The following TLK1 variants were observed in gnomAD, a reference collection of about 807,000 sequenced individuals.
The protein encoded by TLK1 is serine/threonine-protein kinase tousled-like 1.
In TLK1, 24 loss-of-function variants were observed where a neutral mutation model predicts 105.3. The ratio of observed to expected loss-of-function variants is 0.23; its 90% CI spans 0.17 to 0.32. TLK1 has a LOEUF of 0.32. Ranked by LOEUF, TLK1 falls within the 10% of genes least tolerant of loss-of-function variation. TLK1 has a pLI of 1.00. For missense variants in TLK1, 558 were observed against 910.5 expected, an observed-to-expected ratio of 0.61 and a Z score of 4.98; for synonymous variants, 321 against 310.4, an observed-to-expected ratio of 1.03 and a Z score of -0.36.
chr2:171,046,212 T>C lies in TLK1; in HGVS notation c.1131A>G (p.Ala377=). 6.2e-7 allele frequency: 1 copy of C among 1,608,974 alleles called. No individual in the cohort carries two copies. The highest frequency in any genetic ancestry group is 2.2e-5 in the East Asian group (1 of 44,806). ...KQRKNKAVNG[A]ENDPFVRPNL... The stretch of plus-strand genomic sequence containing the variant: ...TTGGTCTAACAAAGGGATCATTCTC[T>C]GCTCCATTGACTGCTTTGTTTTTCC... Residue 377 remains alanine (A), a synonymous_variant, in exon 11 of 21, where the codon GCA becomes GCG. Coordinates refer to ENST00000431350, the MANE Select transcript of TLK1 (RefSeq NM_012290.5).
upstream of TLK1, among the ~76,000 whole-genome samples, chr2:171,163,183 T>C (rs550921836): frequency 1.1e-4 from 17 of 152,366 alleles, no homozygotes; most frequent in Non-Finnish European, 2.9e-5. Context: ...TTAAGTAGTA[T>C]TACACTGAAT....
intron 2 of TLK1, among the ~76,000 whole-genome samples, chr2:171,108,006 G>A (rs796860809): frequency 4.6e-5 from 7 of 151,272 alleles, no homozygotes; most frequent in Admixed American, 1.3e-4. Context: ...GCAGTGAGCC[G>A]AGATTGCGTC....
At chr2:171,098,814 A>G (rs1308803967) in intron 2 of TLK1, among the ~76,000 whole-genome samples, 1 of 152,204 alleles carries the variant, frequency 6.6e-6, no homozygotes, top group East Asian at 1.9e-4. Flanking sequence ...GGTTAGTTCA[A>G]CATACACCAG....
At chr2:171,107,004 T>C (rs1009273140) in intron 2 of TLK1, among the ~76,000 whole-genome samples, 8 of 152,238 alleles carry the variant, frequency 5.3e-5, no homozygotes, top group Non-Finnish European at 1.2e-4. Context: ...TTACATCTGA[T>C]TGCTATGTCT....
At chr2:171,188,919 C>T (rs919492682) in intron 1 of TLK1, among the ~76,000 whole-genome samples, 5 of 151,016 alleles carry the variant, frequency 3.3e-5, no homozygotes, top group African/African-American at 4.9e-5. Flanking sequence ...ATAGGAGAAT[C>T]GTTTGATACA....
rs566583773 is a variant in TLK1, at chr2:171,020,257, A to G, written c.1237-5309T>C. 2.0e-5 allele frequency among the ~76,000 whole-genome samples: 3 copies of G among 152,092 alleles called. No homozygotes were observed. The East Asian group carries it at 5.8e-4, about 30-fold the overall frequency. ...CAAAAGGCACTATTAAAATCTAATT[A>G]AGGGCCAGGTGCGGTGGCTCATGCC... On this transcript the variant is annotated intron_variant, in intron 12 of 20. Coordinates refer to ENST00000431350, the MANE Select transcript of TLK1 (RefSeq NM_012290.5).
rs555985716 is a variant in TLK1 at position 171,086,869 on chromosome 2, A to C, written c.259-4017T>G. On this transcript the variant is annotated intron_variant, in intron 2 of 20. Transcript: ENST00000431350. ...GATACGCTGGAAAATAAAGATCCAC[A>C]AAGGGAGAGTCCCAAATTCTGCATA... Among the ~76,000 whole-genome samples the C allele has an allele frequency of 5.9e-5, 9 of 152,256 alleles. No individual in the cohort carries two copies. The South Asian group carries it at 1.9e-3, about 32-fold the overall frequency.
At chr2:171,063,079 C>T (rs1329689319) in intron 3 of TLK1, among the ~76,000 whole-genome samples, 1 of 152,198 alleles carries the variant, frequency 6.6e-6, no homozygotes, top group African/African-American at 2.4e-5. Flanking sequence ...GGTGCAGTGA[C>T]TCATGCCTGC....
intron 11 of TLK1, among the ~76,000 whole-genome samples, chr2:171,044,903 G>T (rs780323594): frequency 3.3e-5 from 5 of 152,122 alleles, no homozygotes; most frequent in Non-Finnish European, 7.4e-5. Context: ...ATAATCTTAA[G>T]AAAAATTTCA....
At chr2:171,096,277 A>G (rs1049732460) in intron 2 of TLK1, among the ~76,000 whole-genome samples, 2 of 152,108 alleles carry the variant, frequency 1.3e-5, no homozygotes, top group Non-Finnish European at 2.9e-5. Context: ...AGATGGGAGG[A>G]ATGCTTCAGG....
chr2:171,060,112 A>G, intron 4 of TLK1: 1 of 1,441,998 alleles, frequency 6.9e-7, no homozygotes, highest in African/African-American at 1.4e-5. Flanking sequence ...ACAAGAAAAA[A>G]CAATTTAGGC....
At chr2:171,170,168 T>TA (rs972302837) in intron 1 of TLK1, among the ~76,000 whole-genome samples, 4 of 151,968 alleles carry the variant, frequency 2.6e-5, no homozygotes, top group African/African-American at 9.7e-5. Context: ...TTACTGCTTA[T>TA]AAAAAAATAC....
chr2:171,163,704 G>C (rs1165610249), upstream of TLK1, among the ~76,000 whole-genome samples: 5 of 151,896 alleles, frequency 3.3e-5, no homozygotes, highest in East Asian at 7.7e-4. Context: ...CTTCTCCAGA[G>C]CTTCAAGTTT....
intron 11 of TLK1, among the ~76,000 whole-genome samples, chr2:171,036,996 T>TA (rs1686375092): frequency 6.6e-6 from 1 of 152,116 alleles, no homozygotes; most frequent in African/African-American, 2.4e-5. Flanking sequence ...TTAAGATAAT[T>TA]ACTTTTTATA....
upstream of TLK1, among the ~76,000 whole-genome samples, chr2:171,162,342 A>T (rs1392310298): frequency 6.6e-6 from 1 of 152,244 alleles, no homozygotes. Flanking sequence ...GTTTGAGACC[A>T]GCCTGGCCAA....
At chr2:171,174,855 G>T (rs1692791040) in intron 1 of TLK1, among the ~76,000 whole-genome samples, 1 of 151,228 alleles carries the variant, frequency 6.6e-6, no homozygotes, top group African/African-American at 2.4e-5. Flanking sequence ...TTTTTTTAAG[G>T]GAGATTTAGA....
intron 1 of TLK1, among the ~76,000 whole-genome samples, chr2:171,209,558 G>T (rs7568175): frequency 0.18 from 27,805 of 152,002 alleles, 2,690 homozygotes; most frequent in South Asian, 0.29. Flanking sequence ...AAAATCTGAC[G>T]CAGTAATGTG....
At chr2:171,143,558 A>C (rs1175810041) in intron 1 of TLK1, among the ~76,000 whole-genome samples, 1 of 125,214 alleles carries the variant, frequency 8.0e-6, no homozygotes, top group Non-Finnish European at 1.7e-5. Context: ...AAAAAAAAAA[A>C]AGGTGGGGGA....
At chr2:171,106,142 A>C (rs1689913204) in intron 2 of TLK1, among the ~76,000 whole-genome samples, 1 of 152,340 alleles carries the variant, frequency 6.6e-6, no homozygotes, top group South Asian at 2.1e-4. Context: ...TGCAGAAACC[A>C]AAAAGGCTGA....
Sources: gnomAD v4.1 joint callset for allele counts (sites outside exome capture counted in the v4.1 genomes callset) on GRCh38, gnomAD v4.1.1 for gene constraint, MANE v1.5 for transcripts, NCBI Gene and HGNC (gene_info 2026-07-23, HGNC 2026-07-21) for gene names.